PTPRG: variants seen among roughly 807,000 people sequenced by gnomAD.
PTPRG encodes protein tyrosine phosphatase receptor type G.
A neutral mutation model predicts 165.3 loss-of-function variants in PTPRG; 102 were observed. That is an observed-to-expected ratio of 0.62 (90% confidence interval 0.53 to 0.73). The LOEUF (loss-of-function observed/expected upper bound fraction) is 0.73, where lower values mean the gene tolerates loss of function less well. PTPRG is among the 30% of genes least tolerant of loss of function. The pLI is 0.00. For missense variants in PTPRG, 1,866 were observed against 1,861.4 expected, an observed-to-expected ratio of 1.00 and a Z score of -0.05; for synonymous variants, 675 against 669.5, an observed-to-expected ratio of 1.01 and a Z score of -0.13.
At chr3:61,874,139 C>T (rs937642953) in intron 2 of PTPRG, among the ~76,000 whole-genome samples, 1 of 152,158 alleles carries the variant, frequency 6.6e-6, no homozygotes, top group East Asian at 1.9e-4. Flanking sequence ...TGAGCCTGCA[C>T]CATTTCCTCG....
chr3:61,713,164 G>T (rs9829511), intron 1 of PTPRG, among the ~76,000 whole-genome samples: 9,590 of 111,736 alleles, frequency 0.086, 576 homozygotes, highest in African/African-American at 0.18. Flanking sequence ...CATCAAATAT[G>T]TTTTTTTTTT....
chr3:61,876,830 T>C (rs1463494167), intron 2 of PTPRG, among the ~76,000 whole-genome samples: 33 of 152,110 alleles, frequency 2.2e-4, no homozygotes, highest in Admixed American at 1.9e-3. Context: ...CATGTTTTTT[T>C]CCCAATATAT....
intron 2 of PTPRG, among the ~76,000 whole-genome samples, chr3:61,982,393 T>A (rs1393120236): frequency 1.3e-5 from 2 of 152,162 alleles, no homozygotes; most frequent in Non-Finnish European, 2.9e-5. Context: ...TAGAAATTTT[T>A]AATGAATGTT....
At chr3:61,991,795 C>G (rs1261407453) in intron 3 of PTPRG, among the ~76,000 whole-genome samples, 1 of 152,216 alleles carries the variant, frequency 6.6e-6, no homozygotes, top group Non-Finnish European at 1.5e-5. Context: ...ACTTGACTTG[C>G]AACGCTTGAC....
At chr3:61,888,201 G>T (rs970145361) in intron 2 of PTPRG, among the ~76,000 whole-genome samples, 3 of 114,308 alleles carry the variant, frequency 2.6e-5, no homozygotes, top group Non-Finnish European at 3.8e-5. Flanking sequence ...TTAAATCTTT[G>T]TGTGTGTGTG....
chr3:61,871,832 G>C (rs550585057), intron 2 of PTPRG, among the ~76,000 whole-genome samples: 1 of 152,300 alleles, frequency 6.6e-6, no homozygotes, highest in South Asian at 2.1e-4. Flanking sequence ...TTTTGAAGGA[G>C]ATCAGTTGCT....
At chr3:62,019,522 CA>C (rs57682254) in intron 4 of PTPRG, among the ~76,000 whole-genome samples, 7,359 of 93,870 alleles carry the variant, frequency 0.078, 355 homozygotes, top group African/African-American at 0.23. Context: ...GACCCCATCT[CA>C]AAAAAAAAAA....
chr3:62,256,301 A>G (rs1701534396), intron 16 of PTPRG, among the ~76,000 whole-genome samples: 1 of 152,196 alleles, frequency 6.6e-6, no homozygotes, highest in African/African-American at 2.4e-5. Context: ...GCCCCTGTCT[A>G]TGCAAATTTA....
intron 14 of PTPRG, among the ~76,000 whole-genome samples, chr3:62,234,661 A>G (rs1354162985): frequency 1.3e-5 from 2 of 152,110 alleles, no homozygotes; most frequent in Admixed American, 6.6e-5. Flanking sequence ...TCTTTTTCTA[A>G]TGAAGAGAGA....
chr3:61,991,049 C>T (rs2040875835), intron 3 of PTPRG, among the ~76,000 whole-genome samples: 1 of 152,128 alleles, frequency 6.6e-6, no homozygotes, highest in Admixed American at 6.6e-5. Context: ...TTCCCACTCA[C>T]TTAGCGCAGT....
chr3:62,166,197 C>CTTTTTTTTTTTTTTTTTTTTTTTTTTTT (rs564761041), intron 7 of PTPRG, among the ~76,000 whole-genome samples: 1 of 53,900 alleles, frequency 1.9e-5, no homozygotes, highest in Non-Finnish European at 3.4e-5. Flanking sequence ...AATTACAGTT[C>CTTTTTTTTTTTTTTTTTTTTTTTTTTTT]TTTTTTTTTT....
intron 1 of PTPRG, among the ~76,000 whole-genome samples, chr3:61,672,774 G>A (rs1430031013): frequency 6.5e-5 from 9 of 139,218 alleles, no homozygotes; most frequent in Non-Finnish European, 1.4e-4. Flanking sequence ...AGAGGGAGAG[G>A]GAGAGAGGGA....
At chr3:61,828,662 G>A (rs560349308) in intron 2 of PTPRG, among the ~76,000 whole-genome samples, 6 of 152,320 alleles carry the variant, frequency 3.9e-5, no homozygotes, top group East Asian at 3.9e-4. Context: ...CATGGTTGGC[G>A]TCGGATGCAT....
chr3:62,194,981 G>A, intron 9 of PTPRG, 81 bp from the exon 10 acceptor site: 4 of 1,315,782 alleles, frequency 3.0e-6, no homozygotes, highest in South Asian at 1.2e-5. Context: ...CATTGTCACG[G>A]CACTCAGGTT....
At chr3:61,706,491 ATTT>A (rs386355972) in intron 1 of PTPRG, among the ~76,000 whole-genome samples, 97 of 137,680 alleles carry the variant, frequency 7.0e-4, no homozygotes, top group Middle Eastern at 4.1e-3. Flanking sequence ...TGTGCAAGTA[ATTT>A]TTTTTTTTTT....
intron 4 of PTPRG, among the ~76,000 whole-genome samples, chr3:62,051,113 T>C (rs1359829527): frequency 6.6e-6 from 1 of 152,234 alleles, no homozygotes; most frequent in Admixed American, 6.5e-5. Context: ...AAGTGAGGCA[T>C]GTCTCCAGGT....
intron 7 of PTPRG, among the ~76,000 whole-genome samples, chr3:62,158,389 C>G (rs535943150): frequency 1.3e-5 from 2 of 152,338 alleles, no homozygotes; most frequent in South Asian, 2.1e-4. Context: ...TTAACCAAGA[C>G]TGTCCAAAAC....
At chr3:61,901,451 C>T (rs1338396876) in intron 2 of PTPRG, among the ~76,000 whole-genome samples, 1 of 152,142 alleles carries the variant, frequency 6.6e-6, no homozygotes, top group Non-Finnish European at 1.5e-5. Flanking sequence ...CACTTGTTCC[C>T]TCTGGGTGGT....
chr3:61,817,203 A>G (rs1329153907), intron 2 of PTPRG, among the ~76,000 whole-genome samples: 3 of 138,168 alleles, frequency 2.2e-5, no homozygotes, highest in Admixed American at 7.9e-5. Flanking sequence ...TATATATAAT[A>G]ATATAATAAT....
Sources: gnomAD v4.1 joint callset for allele counts (sites outside exome capture counted in the v4.1 genomes callset) on GRCh38, gnomAD v4.1.1 for gene constraint, MANE v1.5 for transcripts, NCBI Gene and HGNC (gene_info 2026-07-23, HGNC 2026-07-21) for gene names.